Variants in COX5A observed in about 807,000 individuals in gnomAD.
COX5A encodes the protein cytochrome c oxidase subunit 5A, mitochondrial.
In COX5A, 6 loss-of-function variants were observed where a neutral mutation model predicts 16.1. The observed-to-expected ratio is 0.37, with a 90% CI of 0.20 to 0.73. The LOEUF (loss-of-function observed/expected upper bound fraction) is 0.73. Ranked by LOEUF, COX5A falls within the 30% of genes least tolerant of loss-of-function variation. The pLI is 0.50. For synonymous variants in COX5A, 73 were observed against 73.8 expected, an observed-to-expected ratio of 0.99 and a Z score of 0.06; for missense variants, 159 against 194.9, an observed-to-expected ratio of 0.82 and a Z score of 1.10.
intron 2 of COX5A, among the ~76,000 whole-genome samples, chr15:74,927,610 T>A (rs2065349895): frequency 6.6e-6 from 1 of 151,918 alleles, no homozygotes; most frequent in Non-Finnish European, 1.5e-5. Flanking sequence ...CTGTCTCTAT[T>A]AAAGATACAA....
chr15:74,929,366 G>A (rs543822451), intron 1 of COX5A, 134 bp from the exon 2 acceptor site: 12 of 628,158 alleles, frequency 1.9e-5, no homozygotes, highest in African/African-American at 5.5e-5. Context: ...GAAATACATC[G>A]TATACATTGA....
rs192325354 is a variant in COX5A at position 74,931,630 on chromosome 15, T to C, written c.101-2398A>G. Among the ~76,000 whole-genome samples the C allele has an allele frequency of 1.4e-3, 210 of 150,844 alleles. 1 individual carries two copies. Among genetic ancestry groups the C allele is most frequent in the African/African-American group, 4.9e-3 (200 of 41,098 alleles). ...ATGCAGTGGAACAATCTCAGCTCAC[T>C]GCAACCTCTGCCTCCTGGATTCAAG... On this transcript the variant is annotated intron_variant, in intron 1 of 4. Coordinates refer to ENST00000322347, the MANE Select transcript of COX5A (RefSeq NM_004255.4).
At chr15:74,928,674 C>T (rs11854704) in intron 2 of COX5A, among the ~76,000 whole-genome samples, 57,378 of 152,136 alleles carry the variant, frequency 0.38, 13,566 homozygotes, top group Non-Finnish European at 0.54. Flanking sequence ...CGTGAGCCAC[C>T]GCGCCCGTGC....
chr15:74,920,227 C>A lies in COX5A; in HGVS notation c.*225G>T. The stretch of plus-strand genomic sequence containing the variant: ...CAGCAAAACCATGAAACCAATACAG[C>A]ACTTAATTTTCTGCTTATTAATGCA... On this transcript the variant is annotated 3_prime_UTR_variant, in exon 5 of 5. Transcript: ENST00000322347. The A allele has an allele frequency of 1.7e-6, 1 of 578,052 alleles. No individual in the cohort carries two copies. Among genetic ancestry groups the A allele is most frequent in the Admixed American group, 3.6e-5 (1 of 27,844 alleles). 35.8% of individuals were successfully genotyped at this position (578,052 alleles called of 1,614,324 possible). A position where few individuals can be genotyped will look rare whatever the true frequency, so the allele number is the denominator to read the frequency against.
Position 74,929,183 on chromosome 15 carries a change from C to G in COX5A, c.150G>C (p.Glu50Asp), listed in dbSNP as rs546135039. Residue 50 changes from glutamate (E) to aspartate (D), a missense_variant, in exon 2 of 5, where the codon GAG becomes GAC. Coordinates refer to ENST00000322347, the MANE Select transcript of COX5A (RefSeq NM_004255.4). ...ATGTTACCCAGCGAGCATCAAACTC[C>G]TCATCTGTCTCCTGTGACCCATGGG... ...CYSHGSQETDEEFDARWVTYF... is the reference protein window; with the variant it reads ...CYSHGSQETDDEFDARWVTYF... The G allele has an allele frequency of 3.7e-6, 6 of 1,614,142 alleles. No homozygotes were observed. The South Asian group carries it at 6.6e-5, about 18-fold the overall frequency.
chr15:74,928,910 A>C (rs1174553157), intron 2 of COX5A, among the ~76,000 whole-genome samples: 1 of 152,172 alleles, frequency 6.6e-6, no homozygotes, highest in Non-Finnish European at 1.5e-5. Flanking sequence ...AGTCCCCTAC[A>C]ACAAAGAATT....
chr15:74,928,606 T>C (rs573980472), intron 2 of COX5A, among the ~76,000 whole-genome samples: 65 of 152,294 alleles, frequency 4.3e-4, no homozygotes, highest in African/African-American at 1.1e-3. Flanking sequence ...AGAATGGTCT[T>C]GATCTCCTGA....
chr15:74,930,175 T>C (rs1360334865), intron 1 of COX5A, among the ~76,000 whole-genome samples: 1 of 151,592 alleles, frequency 6.6e-6, no homozygotes, highest in African/African-American at 2.4e-5. Flanking sequence ...ATCCCAGCAC[T>C]TTGGGAGGCT....
At chr15:74,937,845 G>A in intron 1 of COX5A, 70 bp downstream of exon 1, 1 of 974,356 alleles carries the variant, frequency 1.0e-6, no homozygotes, top group Non-Finnish European at 1.3e-6. Context: ...AGCCCGCCCC[G>A]GAGTGGCAGC....
At chr15:74,931,927 T>C (rs1383148936) in intron 1 of COX5A, among the ~76,000 whole-genome samples, 1 of 152,224 alleles carries the variant, frequency 6.6e-6, no homozygotes, top group Non-Finnish European at 1.5e-5. Context: ...GAACAGCCTC[T>C]GGAACAGGTA....
rs151002462 is a variant in COX5A at position 74,926,877 on chromosome 15, T to G, written c.228A>C (p.Thr76=). Residue 76 remains threonine, a synonymous_variant, in exon 3 of 5, where the codon ACA becomes ACC. Coordinates refer to ENST00000322347, the MANE Select transcript of COX5A (RefSeq NM_004255.4). ...CTGGAACCATATCATAGGTAACAAG[T>G]GTGTTTATCCCTGCAAAATTAAAAA... The part of the protein sequence containing the change: ...DAWELRKGIN[T]LVTYDMVPEP... 14 of 1,612,230 alleles carry G rather than the reference T, an allele frequency of 8.7e-6. No homozygotes were observed. The African/African-American group carries it at 1.9e-4, about 22-fold the overall frequency.
At chr15:74,928,279 G>C (rs1722709472) in intron 2 of COX5A, among the ~76,000 whole-genome samples, 1 of 152,088 alleles carries the variant, frequency 6.6e-6, no homozygotes, top group Non-Finnish European at 1.5e-5. Flanking sequence ...GGAAAGACAA[G>C]TTCTAACTTA....
intron 2 of COX5A, among the ~76,000 whole-genome samples, chr15:74,928,614 T>A (rs1419380326): frequency 6.6e-6 from 1 of 152,232 alleles, no homozygotes; most frequent in Non-Finnish European, 1.5e-5. Flanking sequence ...CTTGATCTCC[T>A]GACCTCGTGA....
At chr15:74,931,407 A>C (rs1239774921) in intron 1 of COX5A, among the ~76,000 whole-genome samples, 1 of 152,046 alleles carries the variant, frequency 6.6e-6, no homozygotes, top group Non-Finnish European at 1.5e-5. Context: ...AGACTGAGGC[A>C]GGAGAATCAC....
chr15:74,920,560 G>A (rs2065315373), intron 4 of COX5A, 118 bp from the exon 5 acceptor site: 1 of 610,156 alleles, frequency 1.6e-6, no homozygotes, highest in South Asian at 2.0e-5. Flanking sequence ...ACCCTTTACT[G>A]CTCTTACTTA....
intron 2 of COX5A, 52 bp downstream of exon 2, chr15:74,929,064 G>T: frequency 8.2e-7 from 1 of 1,225,970 alleles, no homozygotes; most frequent in Non-Finnish European, 1.2e-6. Flanking sequence ...AGGAGCAGAA[G>T]CAGTTCATAT....
At chr15:74,923,444 G>A in intron 4 of COX5A, 1 of 486,564 alleles carries the variant, frequency 2.1e-6, no homozygotes, top group Non-Finnish European at 3.6e-6. Context: ...AAGAAAAGAA[G>A]GAAAGAAAGA....
At chr15:74,922,664 CTT>C (rs941924508) in intron 4 of COX5A, among the ~76,000 whole-genome samples, 23 of 128,376 alleles carry the variant, frequency 1.8e-4, no homozygotes, top group Admixed American at 2.4e-4. Context: ...CAAGTTGAGT[CTT>C]TTTTTTTTTT....
intron 1 of COX5A, among the ~76,000 whole-genome samples, chr15:74,932,789 C>T (rs1424552277): frequency 3.3e-5 from 5 of 151,888 alleles, no homozygotes; most frequent in Admixed American, 1.3e-4. Context: ...CTCCACCTCC[C>T]GGGTTCAAGT....
Sources: allele counts gnomAD v4.1 joint callset (sites outside exome capture counted in the v4.1 genomes callset), GRCh38; gene constraint gnomAD v4.1.1; transcripts MANE v1.5; gene names NCBI Gene and HGNC (gene_info 2026-07-23, HGNC 2026-07-21).